The following DDC variants were observed in gnomAD, a reference collection of about 807,000 sequenced individuals.
DDC encodes the protein aromatic-L-amino-acid decarboxylase.
A neutral mutation model predicts 60.0 loss-of-function variants in DDC; 43 were observed. The observed-to-expected ratio is 0.72, with a 90% CI of 0.56 to 0.92. The LOEUF (loss-of-function observed/expected upper bound fraction) is 0.92. Among genes scored for constraint, DDC ranks in the 40% least tolerant of loss-of-function variants. The probability of loss-of-function intolerance (pLI) is 0.00; values close to 1 mark genes in which losing one functional copy is unlikely to be tolerated. For synonymous variants in DDC, 232 were observed against 234.6 expected, an observed-to-expected ratio of 0.99 and a Z score of 0.10; for missense variants, 573 against 620.2, an observed-to-expected ratio of 0.92 and a Z score of 0.81.
chr7:50,550,789 C>T (rs888872541), intron 1 of DDC, among the ~76,000 whole-genome samples: 1 of 152,176 alleles, frequency 6.6e-6, no homozygotes, highest in African/African-American at 2.4e-5. Context: ...TCTCTGTGAG[C>T]AAAGGGATGA....
chr7:50,542,145 G>A (rs1054107847), intron 2 of DDC: 1 of 152,036 alleles, frequency 6.6e-6, no homozygotes, highest in African/African-American at 2.4e-5. Flanking sequence ...TAATCAGGAG[G>A]AAAAAACAGT....
At chr7:50,503,931 T>C in intron 7 of DDC, 62 bp downstream of exon 7, 1 of 1,177,874 alleles carries the variant, frequency 8.5e-7, no homozygotes, top group Non-Finnish European at 1.3e-6. Context: ...ACGAGGAAGG[T>C]TTGCTAAATT....
At chr7:50,522,849 C>A (rs2043936532) in intron 6 of DDC, among the ~76,000 whole-genome samples, 1 of 152,146 alleles carries the variant, frequency 6.6e-6, no homozygotes, top group Non-Finnish European at 1.5e-5. Flanking sequence ...CCTCCGGAAA[C>A]TTACAATCAT....
intron 3 of DDC, among the ~76,000 whole-genome samples, chr7:50,538,537 C>T (rs190463165): frequency 5.9e-5 from 9 of 152,322 alleles, no homozygotes; most frequent in Admixed American, 2.6e-4. Context: ...CATCCCGATG[C>T]GTCACCAGTA....
chr7:50,488,543 T>C (rs1213531281), intron 9 of DDC, among the ~76,000 whole-genome samples: 1 of 152,082 alleles, frequency 6.6e-6, no homozygotes, highest in Non-Finnish European at 1.5e-5. Flanking sequence ...AAAAAGAGGA[T>C]GTTTGGGATA....
intron 1 of DDC, among the ~76,000 whole-genome samples, chr7:50,558,656 A>G (rs959731257): frequency 2.0e-5 from 3 of 152,248 alleles, no homozygotes; most frequent in Non-Finnish European, 2.9e-5. Flanking sequence ...GACCACAGCC[A>G]CACAGCCAGT....
chr7:50,517,472 C>T (rs754776920), intron 6 of DDC, among the ~76,000 whole-genome samples: 4 of 152,288 alleles, frequency 2.6e-5, no homozygotes, highest in Middle Eastern at 3.4e-3. Context: ...CAACATAATA[C>T]TGAATGGGGA....
intron 11 of DDC, among the ~76,000 whole-genome samples, chr7:50,470,852 G>C (rs1165120917): frequency 6.6e-6 from 1 of 152,206 alleles, no homozygotes; most frequent in East Asian, 1.9e-4. Context: ...GGAAGGACTG[G>C]GACGAGGAGA....
chr7:50,552,682 G>T (rs941717708), intron 1 of DDC, among the ~76,000 whole-genome samples: 2 of 152,194 alleles, frequency 1.3e-5, no homozygotes, highest in East Asian at 1.9e-4. Flanking sequence ...TTTTGCATTT[G>T]CAGGACCAGT....
chr7:50,472,432 C>A (rs1448665763), intron 11 of DDC, among the ~76,000 whole-genome samples: 1 of 152,176 alleles, frequency 6.6e-6, no homozygotes, highest in Non-Finnish European at 1.5e-5. Context: ...ACTTTTTCCT[C>A]CACAATTGAT....
chr7:50,522,679 G>A (rs964882478), intron 6 of DDC, among the ~76,000 whole-genome samples: 1 of 152,166 alleles, frequency 6.6e-6, no homozygotes, highest in African/African-American at 2.4e-5. Flanking sequence ...AAAAGGTGCT[G>A]GAACAACTGA....
At chr7:50,541,688 T>C (rs1015799860) in intron 2 of DDC, among the ~76,000 whole-genome samples, 1 of 152,188 alleles carries the variant, frequency 6.6e-6, no homozygotes, top group African/African-American at 2.4e-5. Flanking sequence ...TCTCTAGAAC[T>C]GTGAGAAATC....
At chr7:50,476,978 C>T (rs1337735258) in intron 10 of DDC, among the ~76,000 whole-genome samples, 1 of 152,150 alleles carries the variant, frequency 6.6e-6, no homozygotes, top group Non-Finnish European at 1.5e-5. Flanking sequence ...GTAAATCGTT[C>T]ATCATTCATT....
intron 9 of DDC, among the ~76,000 whole-genome samples, chr7:50,488,014 A>G (rs1238595435): frequency 6.6e-6 from 1 of 152,188 alleles, no homozygotes; most frequent in Non-Finnish European, 1.5e-5. Flanking sequence ...TTATTTGGCA[A>G]AAAGAAAAAA....
intron 9 of DDC, among the ~76,000 whole-genome samples, chr7:50,489,506 T>C (rs1585172116): frequency 6.6e-6 from 1 of 152,344 alleles, no homozygotes; most frequent in East Asian, 1.9e-4. Flanking sequence ...CTTTGACTCC[T>C]GGGTCTAAAA....
intron 9 of DDC, chr7:50,493,073 G>C (rs2043043844): frequency 1.5e-6 from 2 of 1,340,186 alleles, no homozygotes; most frequent in Admixed American, 1.9e-5. Context: ...TCCAAGATTA[G>C]GGACCCAAAA....
intron 8 of DDC, among the ~76,000 whole-genome samples, chr7:50,498,810 G>A (rs772987115): frequency 2.2e-4 from 34 of 152,130 alleles, no homozygotes; most frequent in Non-Finnish European, 4.0e-4. Context: ...ATGGAATTGC[G>A]GGTTGGTATT....
At chr7:50,505,708 G>C (rs1335967762) in intron 6 of DDC, among the ~76,000 whole-genome samples, 3 of 152,260 alleles carry the variant, frequency 2.0e-5, no homozygotes, top group African/African-American at 4.8e-5. Context: ...TTCTCAGACA[G>C]AGCGATGCCT....
intron 10 of DDC, among the ~76,000 whole-genome samples, chr7:50,478,581 G>A (rs4436083): frequency 0.56 from 84,487 of 152,114 alleles, 23,648 homozygotes; most frequent in Admixed American, 0.62. Context: ...CCGTGAATCT[G>A]CTTCCTTATG....
Sources: gnomAD v4.1 joint callset for allele counts (sites outside exome capture counted in the v4.1 genomes callset) on GRCh38, gnomAD v4.1.1 for gene constraint, MANE v1.5 for transcripts, NCBI Gene and HGNC (gene_info 2026-07-23, HGNC 2026-07-21) for gene names.